The following ZNF669 variants were observed in gnomAD, a reference collection of about 807,000 sequenced individuals.
ZNF669 encodes the protein zinc finger protein 669.
In ZNF669, 7 loss-of-function variants were observed where a neutral mutation model predicts 11.4. The ratio of observed to expected loss-of-function variants is 0.62; its 90% CI spans 0.35 to 1.16. ZNF669 has a LOEUF of 1.16. Ranked by LOEUF, ZNF669 falls within the 50% of genes most tolerant of loss-of-function variation. The pLI is 0.02. For synonymous variants in ZNF669, 153 were observed against 155.8 expected (o/e 0.98, Z 0.13); for missense variants, 492 against 463.6 (o/e 1.06, Z -0.56).
rs1443864384 is a variant in ZNF669, at chr1:247,100,362, G to C, written c.*12C>G. 1 of 1,475,844 alleles carries C rather than the reference G, an allele frequency of 6.8e-7. No individual in the cohort carries two copies. The highest frequency in any genetic ancestry group is 2.3e-5 in the East Asian group (1 of 44,212). 91.4% of individuals were successfully genotyped at this position (1,475,844 alleles called of 1,614,324 possible). ...CATTGTTTTAATCCAGGCTGGTTAT[G>C]AACTCCTGGGCTCAAGCAATCCACA... On this transcript the variant is annotated 3_prime_UTR_variant, in exon 4 of 4. Transcript: ENST00000448299.
rs1182001559 is a variant in ZNF669, at chr1:247,101,036, T to C, written c.475A>G (p.Ser159Gly). Residue 159 changes from serine to glycine, a missense_variant, in exon 4 of 4, where the codon AGT becomes GGT. By Grantham distance (56) the Ser-to-Gly change is moderately conservative. Coordinates refer to ENST00000448299, the MANE Select transcript of ZNF669 (RefSeq NM_001142572.2). ...PGVRRHMIMH[S>G]GNPAYKCTIC... is the part of the protein sequence containing the mutation. ...GTACATTTATAAGCTGGATTTCCAC[T>C]GTGCATTATCATGTGTCTTCTAACA... is the stretch of plus-strand genomic sequence containing the variant. 6.2e-7 allele frequency: 1 copy of C among 1,613,914 alleles called. No homozygotes were observed.
At chr1:247,104,141 G>C (rs777723716) in intron 1 of ZNF669, 56 bp downstream of exon 1, 1 of 1,580,036 alleles carries the variant, frequency 6.3e-7, no homozygotes, top group Non-Finnish European at 8.6e-7. Context: ...TCGCGCCACA[G>C]CAGGTTTCAA....
chr1:247,102,047 A>G lies in ZNF669; in HGVS notation c.70T>C (p.Ser24Pro). The change falls in exon 2 of 4, where the codon TCT (serine) becomes CCT (proline). Residue 24 changes from serine to proline, a missense_variant. Physicochemically the swap from Ser to Pro is moderately conservative, Grantham distance 74. Transcript: ENST00000448299. ...TQEEWALLDS[S>P]QKNLYREVMQ... ...ACTTCTCTGTAGAGATTCTTCTGAG[A>G]AGAATCTAGCAAAGCCCATTCCTCC... 2 of 1,613,736 alleles carry G rather than the reference A, an allele frequency of 1.2e-6. No homozygotes were observed. Among genetic ancestry groups the G allele is most frequent in the Non-Finnish European group, 1.7e-6 (2 of 1,179,836 alleles).
chr1:247,101,093 G>A lies in ZNF669; in HGVS notation c.418C>T (p.Gln140Ter). 12 of 1,614,036 alleles carry A rather than the reference G, an allele frequency of 7.4e-6. No homozygotes were observed. The highest frequency in any genetic ancestry group is 1.0e-5 in the Non-Finnish European group (12 of 1,180,022). ...ACAGAAACGAAGAATTTCCCACACT[G>A]TTCACATTTATATTGCTTCTCTCCA... ...PYGEKQYKCE[Q>*]CGKFFVSVPG... The change falls in exon 4 of 4, where the codon CAG becomes TAG. Residue 140 changes from glutamine to a stop codon, truncating the protein, a stop_gained. Transcript: ENST00000448299. LOFTEE classifies it low-confidence loss of function (END_TRUNC).
intron 2 of ZNF669, 84 bp from the exon 3 acceptor site, chr1:247,101,875 C>T (rs940416098): frequency 1.3e-6 from 2 of 1,585,828 alleles, no homozygotes; most frequent in Non-Finnish European, 1.7e-6. Context: ...GTACACAGTG[C>T]CCATGCCTGA....
At chr1:247,103,632 CAAAA>C (rs58671011) in intron 1 of ZNF669, among the ~76,000 whole-genome samples, 1,492 of 49,854 alleles carry the variant, frequency 0.03, 28 homozygotes, top group African/African-American at 0.078. Context: ...ATTCCGTCTC[CAAAA>C]AAAAAAAAAA....
rs1671688021 is a variant in ZNF669, at chr1:247,100,233, C to T, written c.*141G>A. ...TCTCCTGACCTCGTGATCCACCCGC[C>T]TCGGCCTCCCAAAGTGCTGGGATTA... is the stretch of plus-strand genomic sequence containing the variant. On this transcript the variant is annotated 3_prime_UTR_variant, in exon 4 of 4. Coordinates refer to ENST00000448299, the MANE Select transcript of ZNF669 (RefSeq NM_001142572.2). The T allele has an allele frequency of 1.6e-6, 1 of 606,980 alleles. No homozygotes were observed. The highest frequency in any genetic ancestry group is 2.9e-6 in the Non-Finnish European group (1 of 350,390). The allele number at this position is 606,980 out of a possible 1,614,324, so 37.6% of individuals were successfully genotyped here. A position where few individuals can be genotyped will look rare whatever the true frequency, so the allele number is the denominator to read the frequency against.
Position 247,104,342 on chromosome 1 carries a change from C to T in ZNF669, c.-143G>A, listed in dbSNP as rs568388089. ...GGAGACTAACAGGAAGAGCCGGCTC[C>T]GGCGAAGGAGAGACAAAGCAACCGC... On this transcript the variant is annotated 5_prime_UTR_variant, in exon 1 of 4. Coordinates refer to ENST00000448299, the MANE Select transcript of ZNF669 (RefSeq NM_001142572.2). 9.9e-6 allele frequency: 12 copies of T among 1,206,124 alleles called. No homozygotes were observed. In the Admixed American group the frequency reaches 3.6e-4, roughly 36 times the overall value. The allele number at this position is 1,206,124 out of a possible 1,614,324, so 74.7% of individuals were successfully genotyped here.
In ZNF669 at chr1:247,102,475, CTTAT is replaced by C. The variant is rs1257737981; in HGVS notation, c.4-366_4-363del. ...GTTAATAATATCAGTCCTAAGACTACTTATTCTTAAAAATGCCTGCTCACAAAGT... is the reference window on the plus strand; with the variant it reads ...GTTAATAATATCAGTCCTAAGACTACTCTTAAAAATGCCTGCTCACAAAGT... On this transcript the variant is annotated intron_variant, in intron 1 of 3. Coordinates refer to ENST00000448299, the MANE Select transcript of ZNF669 (RefSeq NM_001142572.2). Among the ~76,000 whole-genome samples the C allele has an allele frequency of 3.3e-5, 5 of 152,246 alleles. No homozygotes were observed. The East Asian group carries it at 9.6e-4, about 29-fold the overall frequency.
Position 247,100,614 on chromosome 1 carries a change from G to C in ZNF669, c.897C>G (p.Thr299=), listed in dbSNP as rs143544880. 2 of 1,614,010 alleles carry C rather than the reference G, an allele frequency of 1.2e-6. No individual in the cohort carries two copies. The highest frequency in any genetic ancestry group is 1.1e-5 in the South Asian group (1 of 91,076). Reference sequence around the variant, plus strand: ...GTTTACATTCATAGGGTTTCTCTCCGGTATGAGTACTTCTATGGTTACAAA... The same window carrying C: ...GTTTACATTCATAGGGTTTCTCTCCCGTATGAGTACTTCTATGGTTACAAA... The part of the protein sequence containing the change: ...SSLCNHRSTH[T]GEKPYECKQC... The change falls in exon 4 of 4, where the codon ACC becomes ACG. Residue 299 remains threonine, a synonymous_variant. Transcript: ENST00000448299.
At chr1:247,103,208 G>A (rs1405292839) in intron 1 of ZNF669, among the ~76,000 whole-genome samples, 1 of 152,148 alleles carries the variant, frequency 6.6e-6, no homozygotes, top group African/African-American at 2.4e-5. Context: ...TTTCACAGGG[G>A]GACATCAACC....
In ZNF669 at chr1:247,100,922, A is replaced by G. The variant is rs1441543292; in HGVS notation, c.589T>C (p.Cys197Arg). 6.2e-7 allele frequency: 1 copy of G among 1,613,912 alleles called. No homozygotes were observed. Among genetic ancestry groups the G allele is most frequent in the Non-Finnish European group, 8.5e-7 (1 of 1,179,988 alleles). The change falls in exon 4 of 4, where the codon TGT becomes CGT. Residue 197 changes from cysteine (C) to arginine (R), a missense_variant. Physicochemically the swap from Cys to Arg is radical, Grantham distance 180. Coordinates refer to ENST00000448299, the MANE Select transcript of ZNF669 (RefSeq NM_001142572.2). The part of the protein sequence containing the change: ...TGEKPYKCKQ[C>R]GKAFTVSGSC... ...CCGGAAACAGTGAATGCTTTACCAC[A>G]TTGTTTACATTTATAGGGTTTTTCT... is the stretch of plus-strand genomic sequence containing the variant.
chr1:247,104,080 CCA>C, intron 1 of ZNF669, 115 bp downstream of exon 1: 1 of 1,587,650 alleles, frequency 6.3e-7, no homozygotes, highest in Non-Finnish European at 8.6e-7. Context: ...CCCGGCTACG[CCA>C]CGGCGACTCG....
rs140895317 is a variant in ZNF669 at position 247,103,946 on chromosome 1, G to T, written c.3+251C>A. ...CCGTGGTCACCACACTACCTGGATA[G>T]GGGAGGCGAGGGGTTCCCGACAGGG... is the stretch of plus-strand genomic sequence containing the variant. On this transcript the variant is annotated intron_variant, in intron 1 of 3. Transcript: ENST00000448299. 7.9e-4 allele frequency: 1,270 copies of T among 1,600,952 alleles called. 18 individuals are homozygous for T. The East Asian group carries it at 0.025, about 32-fold the overall frequency.
intron 1 of ZNF669, chr1:247,103,807 G>A (rs1465098304): frequency 1.6e-6 from 2 of 1,230,392 alleles, no homozygotes; most frequent in African/African-American, 3.1e-5. Flanking sequence ...ACAAAGCCTC[G>A]GCTTAATTTT....
At position 247,104,341 on chromosome 1, in the gene ZNF669, C is replaced by G; in HGVS notation, c.-142G>C. Reference sequence around the variant, plus strand: ...CGGAGACTAACAGGAAGAGCCGGCTCCGGCGAAGGAGAGACAAAGCAACCG... The same window carrying G: ...CGGAGACTAACAGGAAGAGCCGGCTGCGGCGAAGGAGAGACAAAGCAACCG... On this transcript the variant is annotated 5_prime_UTR_variant, in exon 1 of 4. Coordinates refer to ENST00000448299, the MANE Select transcript of ZNF669 (RefSeq NM_001142572.2). 4 of 1,213,638 alleles carry G rather than the reference C, an allele frequency of 3.3e-6. No homozygotes were observed. The highest frequency in any genetic ancestry group is 2.0e-5 in the South Asian group (1 of 50,782). The allele number at this position is 1,213,638 out of a possible 1,614,324, so 75.2% of individuals were successfully genotyped here.
intron 1 of ZNF669, among the ~76,000 whole-genome samples, chr1:247,102,831 C>T (rs1003228054): frequency 6.6e-6 from 1 of 151,976 alleles, no homozygotes; most frequent in East Asian, 1.9e-4. Context: ...TAAATAAAAC[C>T]AATAATTGAT....
rs1671702992 is a variant in ZNF669 at position 247,100,716 on chromosome 1, G to T, written c.795C>A (p.Tyr265Ter). ...TCTCTCCAGTATGAATGCTTCCATG[G>T]TAACGAAGGGAAGTGGAACAGCTGA... is the stretch of plus-strand genomic sequence containing the variant. ...KAFSCSTSLR[Y>*]HGSIHTGERP... is the part of the protein sequence containing the mutation. Residue 265 changes from tyrosine (Y) to a stop codon, truncating the protein, a stop_gained, in exon 4 of 4, where the codon TAC (tyrosine) becomes TAA (stop). Transcript: ENST00000448299. LOFTEE classifies it low-confidence loss of function (END_TRUNC). 1 of 1,614,170 alleles carries T rather than the reference G, an allele frequency of 6.2e-7. No individual in the cohort carries two copies. Among genetic ancestry groups the T allele is most frequent in the East Asian group, 2.2e-5 (1 of 44,884 alleles).
At position 247,104,186 on chromosome 1, in the gene ZNF669, A is replaced by G. The variant is rs61730462; in HGVS notation, c.3+11T>C. 3,093 of 1,530,224 alleles carry G rather than the reference A, an allele frequency of 2.0e-3. 57 individuals carry two copies. In the African/African-American group the frequency reaches 0.039, roughly 19 times the overall value. 94.8% of individuals were successfully genotyped at this position (1,530,224 alleles called of 1,614,324 possible). ...TTCTCCACTTCGGGAAGCCAGGCGC[A>G]GTCCACTCACCATTCCTCGGCTTCC... is the stretch of plus-strand genomic sequence containing the variant. On this transcript the variant is annotated intron_variant, in intron 1 of 3. Transcript: ENST00000448299.
Sources: gnomAD v4.1 joint callset for allele counts (sites outside exome capture counted in the v4.1 genomes callset) on GRCh38, gnomAD v4.1.1 for gene constraint, MANE v1.5 for transcripts, NCBI Gene and HGNC (gene_info 2026-07-23, HGNC 2026-07-21) for gene names.